Variants in MET observed in about 807,000 individuals in gnomAD.
MET encodes hepatocyte growth factor receptor.
In MET, 48 loss-of-function variants were observed where a neutral mutation model predicts 133.1. The ratio of observed to expected loss-of-function variants is 0.36; its 90% CI spans 0.29 to 0.46. MET has a LOEUF of 0.46. Ranked by LOEUF, MET falls within the 20% of genes least tolerant of loss-of-function variation. The pLI, the probability that MET is intolerant of heterozygous loss-of-function variation, is 1.00. For missense variants in MET, 1,442 were observed against 1,695.9 expected, an observed-to-expected ratio of 0.85 and a Z score of 2.63; for synonymous variants, 628 against 616.5, an observed-to-expected ratio of 1.02 and a Z score of -0.28.
At position 116,751,804 on chromosome 7, in the gene MET, G is replaced by A. The variant is rs1793931277; in HGVS notation, c.1702-3551G>A. ...AGGCCGGGCGTGGTGGCTCATGTCT[G>A]TAATCCCAGCACTTTGGGAGGCCGA... On this transcript the variant is annotated intron_variant, in intron 5 of 20. Coordinates refer to ENST00000397752, the MANE Select transcript of MET (RefSeq NM_000245.4). Among the ~76,000 whole-genome samples, 3 of 152,274 alleles carry A rather than the reference G, an allele frequency of 2.0e-5. No homozygotes were observed. In the South Asian group the frequency reaches 6.2e-4, roughly 32 times the overall value.
chr7:116,716,624 G>A (rs146994411), intron 2 of MET, among the ~76,000 whole-genome samples: 118 of 152,278 alleles, frequency 7.7e-4, no homozygotes, highest in African/African-American at 2.6e-3. Context: ...TGAGAAATAG[G>A]AAGCTGGAAG....
At chr7:116,772,037 G>C (rs1181329720) in intron 14 of MET, 48 bp downstream of exon 14, 1 of 1,600,262 alleles carries the variant, frequency 6.2e-7, no homozygotes, top group Non-Finnish European at 8.6e-7. Context: ...ATATACCTCA[G>C]TGGGTTGTGA....
intron 2 of MET, among the ~76,000 whole-genome samples, chr7:116,721,230 G>A (rs1049273278): frequency 4.6e-5 from 7 of 152,100 alleles, no homozygotes; most frequent in Admixed American, 3.3e-4. Flanking sequence ...TGTATGTGTC[G>A]AGGAATTTAT....
intron 6 of MET, among the ~76,000 whole-genome samples, chr7:116,755,759 A>G (rs1264616517): frequency 6.6e-6 from 1 of 152,176 alleles, no homozygotes; most frequent in African/African-American, 2.4e-5. Context: ...GAGTTTCTCA[A>G]CCATTTATGC....
Position 116,675,873 on chromosome 7 carries a change from G to A in MET, c.-15+3296G>A, listed in dbSNP as rs141414046. 5.9e-3 allele frequency among the ~76,000 whole-genome samples: 901 copies of A among 151,468 alleles called. 13 individuals are homozygous for A. The highest frequency in any genetic ancestry group is 0.035 in the Admixed American group (536 of 15,188). On this transcript the variant is annotated intron_variant, in intron 1 of 20. Transcript: ENST00000397752. ...TGCTCCTGTTATCAGATTAAGAGCC[G>A]TGAATAATTTTGTAATCTATCCTTC...
intron 19 of MET, among the ~76,000 whole-genome samples, chr7:116,787,938 G>A (rs539042514): frequency 3.9e-5 from 6 of 152,136 alleles, no homozygotes; most frequent in South Asian, 2.1e-4. Context: ...GTCCATCAAC[G>A]GGTGAATGGA....
chr7:116,731,417 T>C (rs2116776615), intron 2 of MET, among the ~76,000 whole-genome samples: 1 of 152,334 alleles, frequency 6.6e-6, no homozygotes. Flanking sequence ...CTAAGTTCCA[T>C]TTTTAGGCGT....
chr7:116,742,234 T>C (rs1044112121), intron 5 of MET, among the ~76,000 whole-genome samples: 1 of 152,250 alleles, frequency 6.6e-6, no homozygotes, highest in Non-Finnish European at 1.5e-5. Context: ...AGTGGGTGAC[T>C]GGGTTTTAAA....
At chr7:116,717,157 C>T (rs38854) in intron 2 of MET, among the ~76,000 whole-genome samples, 52,984 of 152,114 alleles carry the variant, frequency 0.35, 11,089 homozygotes, top group East Asian at 0.47. Flanking sequence ...GGTTTGACCA[C>T]AGCACCCTAA....
At chr7:116,750,937 A>G (rs1288678213) in intron 5 of MET, among the ~76,000 whole-genome samples, 1 of 152,176 alleles carries the variant, frequency 6.6e-6, no homozygotes, top group East Asian at 1.9e-4. Context: ...GCTGGAGAGG[A>G]TGTGGAGAAA....
Position 116,731,746 on chromosome 7 carries a change from G to A in MET, c.1279G>A (p.Val427Ile), listed in dbSNP as rs376364468. The A allele has an allele frequency of 3.6e-5, 58 of 1,613,980 alleles. No homozygotes were observed. Among genetic ancestry groups the A allele is most frequent in the South Asian group, 7.7e-5 (7 of 91,076 alleles). The change falls in exon 3 of 21, where the codon GTT (valine) becomes ATT (isoleucine). Residue 427 changes from valine (V) to isoleucine (I), a missense_variant. Physicochemically the swap from Val to Ile is conservative, Grantham distance 29 (BLOSUM62 3). Around this residue, in one of 6 missense-constraint regions of MET, gnomAD observed 762 missense variants for 792.4 expected, o/e 0.96. Coordinates refer to ENST00000397752, the MANE Select transcript of MET (RefSeq NM_000245.4). Reference sequence around the variant, plus strand: ...AGAGTTTACCACAGCTTTGCAGCGCGTTGACTTATTCATGGGTCAATTCAG... The same window carrying A: ...AGAGTTTACCACAGCTTTGCAGCGCATTGACTTATTCATGGGTCAATTCAG... ...RTEFTTALQR[V>I]DLFMGQFSEV...
intron 11 of MET, among the ~76,000 whole-genome samples, chr7:116,764,451 T>C (rs1247718119): frequency 2.6e-5 from 4 of 152,072 alleles, no homozygotes; most frequent in Non-Finnish European, 5.9e-5. Context: ...GTGTTTGCCA[T>C]TTGAAAGATT....
At chr7:116,706,675 T>C (rs1791807092) in intron 2 of MET, among the ~76,000 whole-genome samples, 1 of 152,194 alleles carries the variant, frequency 6.6e-6, no homozygotes, top group African/African-American at 2.4e-5. Flanking sequence ...AGAATTTGGA[T>C]AGAAGACCCT....
intron 1 of MET, among the ~76,000 whole-genome samples, chr7:116,677,654 C>T (rs1435631237): frequency 1.3e-5 from 2 of 152,232 alleles, no homozygotes; most frequent in Non-Finnish European, 2.9e-5. Flanking sequence ...CAGCAGCATG[C>T]ATGGCCCGAG....
chr7:116,721,436 AGC>A (rs977274965), intron 2 of MET, among the ~76,000 whole-genome samples: 159 of 152,248 alleles, frequency 1.0e-3, no homozygotes, highest in African/African-American at 3.7e-3. Context: ...TCAAAAAACC[AGC>A]TCCTGGATTC....
At chr7:116,766,694 T>C (rs1794640481) in intron 11 of MET, among the ~76,000 whole-genome samples, 1 of 152,186 alleles carries the variant, frequency 6.6e-6, no homozygotes, top group South Asian at 2.1e-4. Flanking sequence ...ACTCTCAAAC[T>C]AGTATTTCTT....
chr7:116,755,569 T>C, intron 6 of MET, 54 bp downstream of exon 6: 1 of 1,606,244 alleles, frequency 6.2e-7, no homozygotes, highest in Non-Finnish European at 8.5e-7. Context: ...GGTTTTGTTT[T>C]TGAATGAATA....
At chr7:116,759,086 A>G (rs781524190) in intron 9 of MET, among the ~76,000 whole-genome samples, 7 of 152,204 alleles carry the variant, frequency 4.6e-5, no homozygotes, top group Admixed American at 1.3e-4. Context: ...CGTTAATTCT[A>G]TCAGTCTAGC....
At chr7:116,735,515 G>A (rs1236192811) in intron 3 of MET, among the ~76,000 whole-genome samples, 2 of 152,114 alleles carry the variant, frequency 1.3e-5, no homozygotes, top group African/African-American at 4.8e-5. Flanking sequence ...GCATGTCAGT[G>A]CTTTCTGTGA....
Sources: allele counts gnomAD v4.1 joint callset (sites outside exome capture counted in the v4.1 genomes callset), GRCh38; gene constraint gnomAD v4.1.1; regional missense constraint gnomAD v4.1.1; transcripts MANE v1.5; gene names NCBI Gene and HGNC (gene_info 2026-07-23, HGNC 2026-07-21).